Variants in LTBP1 observed in about 807,000 individuals in gnomAD.
LTBP1 encodes the protein latent-transforming growth factor beta-binding protein 1.
Under a neutral mutation model 207.6 loss-of-function variants are expected in LTBP1, and 129 were observed. The observed-to-expected ratio is 0.62, with a 90% confidence interval of 0.54 to 0.72. The LOEUF is 0.72. LTBP1 is among the 30% of genes least tolerant of loss of function. The probability of loss-of-function intolerance (pLI) is 0.00; values close to 1 mark genes in which losing one functional copy is unlikely to be tolerated. For missense variants in LTBP1, 2,281 were observed against 2,217.2 expected, an observed-to-expected ratio of 1.03 and a Z score of -0.58; for synonymous variants, 963 against 833.7, an observed-to-expected ratio of 1.16 and a Z score of -2.67.
chr2:33,281,758 T>C (rs2093563311), intron 19 of LTBP1, among the ~76,000 whole-genome samples: 1 of 152,188 alleles, frequency 6.6e-6, no homozygotes, highest in African/African-American at 2.4e-5. Context: ...GTTTTTTATT[T>C]GATAAGCAAT....
intron 32 of LTBP1, among the ~76,000 whole-genome samples, chr2:33,392,258 C>T (rs1025384236): frequency 2.0e-5 from 3 of 151,620 alleles, no homozygotes; most frequent in South Asian, 2.1e-4. Context: ...AATCTTGGCT[C>T]ACTGCAACCT....
intron 5 of LTBP1, among the ~76,000 whole-genome samples, chr2:33,172,791 G>T (rs1220885868): frequency 2.6e-5 from 4 of 151,812 alleles, no homozygotes; most frequent in African/African-American, 4.8e-5. Flanking sequence ...GAACAGAAAT[G>T]ATAACAAACT....
chr2:33,078,366 C>G (rs1326091106), intron 3 of LTBP1, among the ~76,000 whole-genome samples: 1 of 152,148 alleles, frequency 6.6e-6, no homozygotes, highest in Non-Finnish European at 1.5e-5. Flanking sequence ...CCCACAGTGC[C>G]AACCAACTAT....
At chr2:33,276,296 C>G (rs907450634) in intron 18 of LTBP1, among the ~76,000 whole-genome samples, 2 of 152,150 alleles carry the variant, frequency 1.3e-5, no homozygotes, top group African/African-American at 4.8e-5. Flanking sequence ...ACCTTTTCAC[C>G]TACTTACATT....
At chr2:33,297,386 A>C (rs1300191885) in intron 20 of LTBP1, among the ~76,000 whole-genome samples, 1 of 150,498 alleles carries the variant, frequency 6.6e-6, no homozygotes, top group Non-Finnish European at 1.5e-5. Flanking sequence ...CAGAGCTAGG[A>C]TCTAATATAC....
chr2:33,365,330 C>T lies in LTBP1; in HGVS notation c.4541-3C>T, dbSNP rs765657434. ...TTTCATGGAACTATGTCTTCCCTTT[C>T]AGAACAAATAGAAGAAACTGATGTC... is the stretch of plus-strand genomic sequence containing the variant. On this transcript the variant is annotated splice_polypyrimidine_tract_variant and splice_region_variant and intron_variant, in intron 30 of 33. Coordinates refer to ENST00000404816, the MANE Select transcript of LTBP1 (RefSeq NM_206943.4). The T allele has an allele frequency of 1.2e-6, 2 of 1,613,688 alleles. No homozygotes were observed. The highest frequency in any genetic ancestry group is 1.1e-5 in the South Asian group (1 of 91,038).
intron 26 of LTBP1, 68 bp downstream of exon 26, chr2:33,347,578 T>C: frequency 6.3e-7 from 1 of 1,587,002 alleles, no homozygotes; most frequent in Non-Finnish European, 8.6e-7. Context: ...CACACAGCTT[T>C]GGGATAAACG....
At chr2:33,198,235 C>G (rs371591385) in intron 7 of LTBP1, among the ~76,000 whole-genome samples, 1 of 152,116 alleles carries the variant, frequency 6.6e-6, no homozygotes, top group East Asian at 1.9e-4. Flanking sequence ...GCCTTGCATC[C>G]CAGGGATGAA....
At chr2:33,249,109 A>G (rs2092599453) in intron 10 of LTBP1, among the ~76,000 whole-genome samples, 2 of 152,186 alleles carry the variant, frequency 1.3e-5, no homozygotes, top group African/African-American at 4.8e-5. Context: ...GAGTGATTGC[A>G]GACTAGTAAG....
At chr2:33,352,884 A>G (rs1324526664) in intron 26 of LTBP1, among the ~76,000 whole-genome samples, 2 of 150,026 alleles carry the variant, frequency 1.3e-5, no homozygotes, top group Non-Finnish European at 2.9e-5. Flanking sequence ...GCTCATGGTT[A>G]CCCCAAACAA....
At chr2:33,172,158 T>C (rs1390337084) in intron 5 of LTBP1, among the ~76,000 whole-genome samples, 2 of 152,130 alleles carry the variant, frequency 1.3e-5, no homozygotes, top group African/African-American at 4.8e-5. Flanking sequence ...CACATAACAA[T>C]ATTAACTTTA....
chr2:32,975,552 C>T (rs1454797841), intron 2 of LTBP1, among the ~76,000 whole-genome samples: 1 of 137,196 alleles, frequency 7.3e-6, no homozygotes, highest in East Asian at 2.3e-4. Context: ...TCACATAATC[C>T]CATATTTGTT....
At chr2:33,056,330 C>T (rs1388541575) in intron 3 of LTBP1, 60 of 1,173,424 alleles carry the variant, frequency 5.1e-5, no homozygotes, top group Non-Finnish European at 7.9e-6. Flanking sequence ...GTTTTGTTTG[C>T]ATTTATTTGC....
chr2:33,027,320 A>G (rs2075467690), intron 3 of LTBP1, among the ~76,000 whole-genome samples: 1 of 152,196 alleles, frequency 6.6e-6, no homozygotes, highest in Non-Finnish European at 1.5e-5. Flanking sequence ...GCTAATTAAC[A>G]TATCTCTTAT....
chr2:33,004,758 GA>G (rs1686529745), intron 2 of LTBP1, among the ~76,000 whole-genome samples: 1 of 119,110 alleles, frequency 8.4e-6, no homozygotes, highest in Non-Finnish European at 1.7e-5. Flanking sequence ...CTGGGTGACA[GA>G]GTGAGCCTCA....
intron 31 of LTBP1, among the ~76,000 whole-genome samples, chr2:33,381,325 T>C (rs1203573912): frequency 6.6e-6 from 1 of 152,170 alleles, no homozygotes; most frequent in Admixed American, 6.5e-5. Flanking sequence ...ACCCAACAAA[T>C]CTCTTTTTTC....
At chr2:33,069,682 T>C (rs543764665) in intron 3 of LTBP1, among the ~76,000 whole-genome samples, 2 of 152,338 alleles carry the variant, frequency 1.3e-5, no homozygotes, top group South Asian at 4.1e-4. Flanking sequence ...CAAAACAAAG[T>C]TGAAGAGAAC....
chr2:33,143,218 C>T (rs1321901908), intron 5 of LTBP1, among the ~76,000 whole-genome samples: 2 of 152,154 alleles, frequency 1.3e-5, no homozygotes, highest in East Asian at 1.9e-4. Flanking sequence ...AGCCAAGTGA[C>T]GATCATGCTA....
chr2:33,337,952 G>A (rs914583751), intron 24 of LTBP1, among the ~76,000 whole-genome samples: 2 of 152,142 alleles, frequency 1.3e-5, no homozygotes, highest in Non-Finnish European at 2.9e-5. Context: ...TTCATTGTAT[G>A]TATATACGGG....
Sources: allele counts gnomAD v4.1 joint callset (sites outside exome capture counted in the v4.1 genomes callset), GRCh38; gene constraint gnomAD v4.1.1; transcripts MANE v1.5; gene names NCBI Gene and HGNC (gene_info 2026-07-23, HGNC 2026-07-21).